The following WDR81 variants were observed in gnomAD, a reference collection of about 807,000 sequenced individuals.
The protein encoded by WDR81 is WD repeat domain 81.
Under a neutral mutation model 140.8 loss-of-function variants are expected in WDR81, and 92 were observed. The observed-to-expected ratio is 0.65, with a 90% CI of 0.55 to 0.78. The LOEUF (loss-of-function observed/expected upper bound fraction) is 0.78. Among genes scored for constraint, WDR81 ranks in the 30% least tolerant of loss-of-function variants. The pLI is 0.00. For missense variants in WDR81, 2,502 were observed against 2,636.4 expected, an observed-to-expected ratio of 0.95 and a Z score of 1.12; for synonymous variants, 1,183 against 1,156.4, an observed-to-expected ratio of 1.02 and a Z score of -0.47.
intron 4 of WDR81, 100 bp downstream of exon 4, chr17:1,731,358 G>T: frequency 7.4e-7 from 1 of 1,355,654 alleles, no homozygotes; most frequent in Admixed American, 2.5e-5. Context: ...CACTGGACTG[G>T]GTGTCAAGAG....
rs1198905926 is a variant in WDR81, at chr17:1,735,956, G to A, written c.5326-83G>A. 4.0e-6 allele frequency: 6 copies of A among 1,512,534 alleles called. No homozygotes were observed. Among genetic ancestry groups the A allele is most frequent in the East Asian group, 2.3e-5 (1 of 44,000 alleles). The allele number at this position is 1,512,534 out of a possible 1,614,324, so 93.7% of individuals were successfully genotyped here. ...GGTCAGAGGCTCAGGCCTTCCTGCT[G>A]TGTGGGCTTGGGTGGTGGGCAGGGC... is the stretch of plus-strand genomic sequence containing the variant. On this transcript the variant is annotated intron_variant, in intron 8 of 9. Transcript: ENST00000409644. The surrounding 1 kb of genome is among the most constrained non-coding windows in gnomAD (Gnocchi z 4.2).
Position 1,728,547 on chromosome 17 carries a change from C to A in WDR81, c.3588C>A (p.Gly1196=). ...TGTCCATGGAGACGGTTGTGGCCGG[C>A]GGCAGTGGGGGAGATGGAGAAGAAG... ...TVLSMETVVA[G]GSGGDGEEEE... Residue 1196 remains glycine, a synonymous_variant, in exon 1 of 10, where the codon GGC becomes GGA. Coordinates refer to ENST00000409644, the MANE Select transcript of WDR81 (RefSeq NM_001163809.2). The A allele has an allele frequency of 6.5e-7, 1 of 1,536,556 alleles. No homozygotes were observed. The highest frequency in any genetic ancestry group is 8.8e-7 in the Non-Finnish European group (1 of 1,135,628).
In WDR81 at chr17:1,726,851, A is replaced by G; in HGVS notation, c.1892A>G (p.Asn631Ser). ...ACGGAAAACCCGGGACAGCTTCCAAATGGAGTGGGCCGGCCAGTTTTAGAG... is the reference window on the plus strand; with the variant it reads ...ACGGAAAACCCGGGACAGCTTCCAAGTGGAGTGGGCCGGCCAGTTTTAGAG... ...DFTENPGQLP[N>S]GVGRPVLEAT... Residue 631 changes from asparagine (N) to serine (S), a missense_variant, in exon 1 of 10, where the codon AAT becomes AGT. By Grantham distance (46) the Asn-to-Ser change is conservative (BLOSUM62 1). Transcript: ENST00000409644. 6.5e-7 allele frequency: 1 copy of G among 1,550,200 alleles called. No individual in the cohort carries two copies. Among genetic ancestry groups the G allele is most frequent in the African/African-American group, 1.4e-5 (1 of 73,148 alleles).
chr17:1,724,829 C>T lies in WDR81; in HGVS notation c.-131C>T, dbSNP rs1915110810. On this transcript the variant is annotated 5_prime_UTR_variant, in exon 1 of 10. Coordinates refer to ENST00000409644, the MANE Select transcript of WDR81 (RefSeq NM_001163809.2). The stretch of plus-strand genomic sequence containing the variant: ...CCGCCTCTTCGCCGCCGCCGGCTTC[C>T]TGCGGCCGCCTCCGCCCCAGCCCCT... 3 of 1,210,310 alleles carry T rather than the reference C, an allele frequency of 2.5e-6. No homozygotes were observed. Among genetic ancestry groups the T allele is most frequent in the Non-Finnish European group, 2.1e-6 (2 of 974,156 alleles). 75.0% of individuals were successfully genotyped at this position (1,210,310 alleles called of 1,614,324 possible).
chr17:1,725,231 T>G lies in WDR81; in HGVS notation c.272T>G (p.Leu91Arg). The G allele has an allele frequency of 6.5e-7, 1 of 1,540,838 alleles. No individual in the cohort carries two copies. Among genetic ancestry groups the G allele is most frequent in the Non-Finnish European group, 8.7e-7 (1 of 1,146,866 alleles). ...GGAGAAGCGGAAGTCAGGACTCTCC[T>G]GCAGCGCTCTGTGCAAAGGCTGCCT... Reference protein sequence around the residue: ...GLGEAEVRTLLQRSVQRLPAG... With the variant: ...GLGEAEVRTLRQRSVQRLPAG... The change falls in exon 1 of 10, where the codon CTG becomes CGG. Residue 91 changes from leucine to arginine, a missense_variant. By Grantham distance (102) the Leu-to-Arg change is moderately radical. Coordinates refer to ENST00000409644, the MANE Select transcript of WDR81 (RefSeq NM_001163809.2).
rs1448561059 is a variant in WDR81 at position 1,731,133 on chromosome 17, C to G, written c.4032C>G (p.Ala1344=). The part of the protein sequence containing the change: ...LNSRKEAGLL[A]AVTLTQKIIV... ...GCCGTAAGGAGGCGGGGCTGCTGGC[C>G]GCGGTGACGCTGACTCAGAAGATCA... The change falls in exon 4 of 10, where the codon GCC becomes GCG. Residue 1344 remains alanine (A), a synonymous_variant. Coordinates refer to ENST00000409644, the MANE Select transcript of WDR81 (RefSeq NM_001163809.2). The G allele has an allele frequency of 6.2e-7, 1 of 1,613,272 alleles. No individual in the cohort carries two copies. The highest frequency in any genetic ancestry group is 1.1e-5 in the South Asian group (1 of 91,082).
chr17:1,732,438 C>T lies in WDR81; in HGVS notation c.4271C>T (p.Pro1424Leu), dbSNP rs768873196. 3.1e-6 allele frequency: 5 copies of T among 1,613,448 alleles called. No individual in the cohort carries two copies. The highest frequency in any genetic ancestry group is 4.2e-6 in the Non-Finnish European group (5 of 1,180,032). The change falls in exon 5 of 10, where the codon CCC becomes CTC. Residue 1424 changes from proline (P) to leucine (L), a missense_variant. By Grantham distance (98) the Pro-to-Leu change is moderately conservative. Transcript: ENST00000409644. ...ATGGTCCAGCAGCACCTGAGCGAGC[C>T]CGTGGCCACCTTTTTCCAGGTCTTC... ...QEMVQQHLSE[P>L]VATFFQVFSQ...
Position 1,735,938 on chromosome 17 carries a change from G to A in WDR81, c.5326-101G>A. On this transcript the variant is annotated intron_variant, in intron 8 of 9. Transcript: ENST00000409644. This position sits in a 1 kb window ranked among gnomAD's most constrained non-coding sequence, Gnocchi z 4.2. ...TTCATGCCCCCTGATGAGGGTCAGA[G>A]GCTCAGGCCTTCCTGCTGTGTGGGC... The A allele has an allele frequency of 1.3e-6, 2 of 1,483,168 alleles. No individual in the cohort carries two copies. The highest frequency in any genetic ancestry group is 1.3e-5 in the South Asian group (1 of 75,388). The allele number at this position is 1,483,168 out of a possible 1,614,324, so 91.9% of individuals were successfully genotyped here.
Position 1,728,494 on chromosome 17 carries a change from T to C in WDR81, c.3535T>C (p.Ser1179Pro), listed in dbSNP as rs1962074351. Reference protein sequence around the residue: ...EGEQEEVTGASELTLSDTVLS... With the variant: ...EGEQEEVTGAPELTLSDTVLS... ...GGAGCAGGAGGAGGTCACCGGGGCA[T>C]CTGAGCTCACTCTGTCTGACACGGT... The change falls in exon 1 of 10, where the codon TCT becomes CCT. Residue 1179 changes from serine (S) to proline (P), a missense_variant. Around this residue, in one of 3 missense-constraint regions of WDR81, gnomAD observed 1,737 missense variants for 1,843.0 expected, o/e 0.94. Transcript: ENST00000409644. 6.3e-7 allele frequency: 1 copy of C among 1,597,070 alleles called. No homozygotes were observed. Among genetic ancestry groups the C allele is most frequent in the African/African-American group, 1.3e-5 (1 of 74,632 alleles).
intron 1 of WDR81, 90 bp from the exon 2 acceptor site, chr17:1,730,290 A>C: frequency 1.1e-6 from 1 of 946,332 alleles, no homozygotes; most frequent in Non-Finnish European, 1.5e-6. Flanking sequence ...CTGCAGCCGC[A>C]GGTGGTTGAG....
rs756813051 is a variant in WDR81, at chr17:1,733,619, C to T, written c.4582C>T (p.Pro1528Ser). ...GAGCATCAGCCCCAGCAGTCGCAAC[C>T]CTGCCAGCGTGGAGCCCACCATGCC... ...LESISPSSRN[P>S]ASVEPTMPGT... The change falls in exon 7 of 10, where the codon CCT becomes TCT. Residue 1528 changes from proline (P) to serine (S), a missense_variant. Physicochemically the swap from Pro to Ser is moderately conservative, Grantham distance 74 (BLOSUM62 -1). Around this residue, in one of 3 missense-constraint regions of WDR81, gnomAD observed 1,737 missense variants for 1,843.0 expected, o/e 0.94. Transcript: ENST00000409644. 6.3e-7 allele frequency: 1 copy of T among 1,591,258 alleles called. No individual in the cohort carries two copies. Among genetic ancestry groups the T allele is most frequent in the Middle Eastern group, 1.7e-4 (1 of 5,956 alleles).
At position 1,731,154 on chromosome 17, in the gene WDR81, G is replaced by T. The variant is rs760619083; in HGVS notation, c.4053G>T (p.Lys1351Asn). ...TGGCCGCGGTGACGCTGACTCAGAA[G>T]ATCATCGTGTACCTCTCAGACACCA... ...GLLAAVTLTQ[K>N]IIVYLSDTTL... is the part of the protein sequence containing the mutation. Residue 1351 changes from lysine (K) to asparagine (N), a missense_variant, in exon 4 of 10, where the codon AAG becomes AAT. Coordinates refer to ENST00000409644, the MANE Select transcript of WDR81 (RefSeq NM_001163809.2). 2 of 1,613,466 alleles carry T rather than the reference G, an allele frequency of 1.2e-6. No homozygotes were observed. The highest frequency in any genetic ancestry group is 1.7e-6 in the Non-Finnish European group (2 of 1,180,028).
Position 1,724,832 on chromosome 17 carries a change from C to A in WDR81, c.-128C>A. 8.3e-7 allele frequency: 1 copy of A among 1,211,218 alleles called. No homozygotes were observed. The highest frequency in any genetic ancestry group is 3.4e-5 in the East Asian group (1 of 29,704). 75.0% of individuals were successfully genotyped at this position (1,211,218 alleles called of 1,614,324 possible). On this transcript the variant is annotated 5_prime_UTR_variant, in exon 1 of 10. Coordinates refer to ENST00000409644, the MANE Select transcript of WDR81 (RefSeq NM_001163809.2). ...CCTCTTCGCCGCCGCCGGCTTCCTG[C>A]GGCCGCCTCCGCCCCAGCCCCTGTC... is the stretch of plus-strand genomic sequence containing the variant.
chr17:1,726,514 A>C lies in WDR81; in HGVS notation c.1555A>C (p.Ser519Arg). The change falls in exon 1 of 10, where the codon AGC (serine) becomes CGC (arginine). Residue 519 changes from serine (S) to arginine (R), a missense_variant. This residue lies in a region of WDR81 where 218 missense variants were observed against 279.6 expected (regional missense o/e 0.78). Transcript: ENST00000409644. ...MPDLDVPAWC[S>R]SSQEFVAAHR... ...TGACCTGGATGTGCCAGCCTGGTGC[A>C]GCTCCAGCCAGGAGTTCGTAGCTGC... 6.4e-7 allele frequency: 1 copy of C among 1,550,414 alleles called. No homozygotes were observed. Among genetic ancestry groups the C allele is most frequent in the Non-Finnish European group, 8.7e-7 (1 of 1,146,992 alleles).
chr17:1,721,902 T>G (rs1389998510), upstream of WDR81, among the ~76,000 whole-genome samples: 2 of 151,442 alleles, frequency 1.3e-5, no homozygotes, highest in Non-Finnish European at 2.9e-5. Context: ...GGCAGGCAGA[T>G]CACCTGAGGT....
In WDR81 at chr17:1,735,596, C is replaced by T. The variant is rs569166821; in HGVS notation, c.5204C>T (p.Pro1735Leu). The change falls in exon 8 of 10, where the codon CCG (proline) becomes CTG (leucine). Residue 1735 changes from proline (P) to leucine (L), a missense_variant. Physicochemically the swap from Pro to Leu is moderately conservative, Grantham distance 98. Coordinates refer to ENST00000409644, the MANE Select transcript of WDR81 (RefSeq NM_001163809.2). The surrounding 1 kb of genome is among the most constrained non-coding windows in gnomAD (Gnocchi z 4.2). ...GGGAAGACCCTTCGCACAGTGGAGC[C>T]GCTGGACAGCCGGGTGCCCCTGACT... is the stretch of plus-strand genomic sequence containing the variant. ...FTGKTLRTVEPLDSRVPLTAV... is the reference protein window; with the variant it reads ...FTGKTLRTVELLDSRVPLTAV... 65 of 1,612,158 alleles carry T rather than the reference C, an allele frequency of 4.0e-5. 1 individual carries two copies. In the South Asian group the frequency reaches 4.2e-4, roughly 10 times the overall value.
At chr17:1,734,259 G>A (rs914088812) in intron 7 of WDR81, 43 bp downstream of exon 7, 10 of 1,485,114 alleles carry the variant, frequency 6.7e-6, no homozygotes, top group South Asian at 4.0e-5. Flanking sequence ...CTGCTCCTGC[G>A]CCCCACCAGG....
chr17:1,719,352 C>G (rs1914744002), intron 1 of WDR81, among the ~76,000 whole-genome samples: 1 of 150,576 alleles, frequency 6.6e-6, no homozygotes, highest in Non-Finnish European at 1.5e-5. Context: ...TGGAGAACAT[C>G]CTGGCTAACA....
At chr17:1,724,416 C>A, upstream of WDR81, 1 of 938,946 alleles carries the variant, frequency 1.1e-6, no homozygotes, top group Non-Finnish European at 1.3e-6. Context: ...GCGGTCCGCA[C>A]TTAACTAAGA....
Sources: gnomAD v4.1 joint callset for allele counts (sites outside exome capture counted in the v4.1 genomes callset) on GRCh38, gnomAD v4.1.1 for gene constraint, gnomAD v4.1.1 regional missense constraint, Gnocchi (gnomAD v3.1) non-coding constraint, MANE v1.5 for transcripts, NCBI Gene and HGNC (gene_info 2026-07-23, HGNC 2026-07-21) for gene names.